Variants in COL24A1 observed in about 807,000 individuals in gnomAD.
COL24A1 encodes collagen type XXIV alpha 1 chain, also known as collagen alpha-1(XXIV) chain.
In COL24A1, 224 loss-of-function variants were observed where a neutral mutation model predicts 253.9. The ratio of observed to expected loss-of-function variants is 0.88; its 90% CI spans 0.79 to 0.99. The LOEUF (loss-of-function observed/expected upper bound fraction) is 0.99, where lower values mean the gene tolerates loss of function less well. Among genes scored for constraint, COL24A1 ranks in the 50% least tolerant of loss-of-function variants. The pLI is 0.00. For missense variants in COL24A1, 2,131 were observed against 2,068.5 expected, an observed-to-expected ratio of 1.03 and a Z score of -0.59; for synonymous variants, 685 against 673.7, an observed-to-expected ratio of 1.02 and a Z score of -0.26.
intron 1 of COL24A1, among the ~76,000 whole-genome samples, chr1:86,149,375 C>T (rs1274349364): frequency 6.6e-6 from 1 of 152,168 alleles, no homozygotes; most frequent in Admixed American, 6.5e-5. Flanking sequence ...CAGGATGTAT[C>T]CTAATATGAT....
chr1:85,734,649 C>A (rs1423455635), intron 59 of COL24A1, 100 bp downstream of exon 59: 15 of 1,025,580 alleles, frequency 1.5e-5, no homozygotes, highest in Non-Finnish European at 2.1e-5. Flanking sequence ...TCTGTATCTG[C>A]AGTTTGTAAT....
intron 35 of COL24A1, among the ~76,000 whole-genome samples, chr1:85,873,867 G>A (rs190913306): frequency 8.8e-4 from 133 of 151,306 alleles, no homozygotes; most frequent in Admixed American, 2.4e-3. Flanking sequence ...TTAATTAGTT[G>A]TCTTTTAGAT....
chr1:85,744,861 A>G (rs1665040116), intron 56 of COL24A1, 27 bp from the exon 57 acceptor site: 22 of 1,592,278 alleles, frequency 1.4e-5, no homozygotes, highest in Non-Finnish European at 1.8e-5. Flanking sequence ...AGAATTATAT[A>G]AGCAAAAAAA....
chr1:85,940,775 G>A (rs560203819), intron 24 of COL24A1, among the ~76,000 whole-genome samples: 164 of 152,274 alleles, frequency 1.1e-3, no homozygotes, highest in Non-Finnish European at 2.0e-3. Context: ...TCAGAACAAA[G>A]TTTTGCCCGA....
At chr1:85,857,088 C>G (rs1178289892) in intron 37 of COL24A1, among the ~76,000 whole-genome samples, 1 of 151,996 alleles carries the variant, frequency 6.6e-6, no homozygotes, top group African/African-American at 2.4e-5. Flanking sequence ...TGAGTTTTGT[C>G]AGAGAGAGAT....
chr1:85,938,936 G>A (rs1017273429), intron 24 of COL24A1, among the ~76,000 whole-genome samples: 2 of 152,248 alleles, frequency 1.3e-5, no homozygotes, highest in African/African-American at 4.8e-5. Flanking sequence ...GTCACAGATT[G>A]ACTTCTTCCT....
At chr1:85,842,730 G>C (rs562067453) in intron 39 of COL24A1, among the ~76,000 whole-genome samples, 6 of 152,128 alleles carry the variant, frequency 3.9e-5, no homozygotes, top group Admixed American at 3.9e-4. Context: ...GCCAGATGTG[G>C]GTCACTGAAT....
Position 85,847,741 on chromosome 1 carries a change from T to G in COL24A1, c.3386A>C (p.Glu1129Ala). The change falls in exon 39 of 60, where the codon GAA becomes GCA. Residue 1129 changes from glutamate to alanine, a missense_variant. Transcript: ENST00000370571. ...TCCAGGAGGACCTCTGCTTCCAACT[T>G]CTCCTGTGGGTCCTATTTGTCCTTT... ...GDKGQIGPTG[E>A]VGSRGPPGKI... is the part of the protein sequence containing the mutation. 1 of 1,613,824 alleles carries G rather than the reference T, an allele frequency of 6.2e-7. No individual in the cohort carries two copies. The highest frequency in any genetic ancestry group is 8.5e-7 in the Non-Finnish European group (1 of 1,179,832).
chr1:86,122,070 T>TC (rs1197786863), intron 3 of COL24A1, among the ~76,000 whole-genome samples: 3 of 152,024 alleles, frequency 2.0e-5, no homozygotes, highest in Non-Finnish European at 4.4e-5. Context: ...ATTCAGTCTC[T>TC]CATTATCTCT....
intron 24 of COL24A1, among the ~76,000 whole-genome samples, chr1:85,927,560 C>A (rs560048259): frequency 4.1e-5 from 5 of 123,360 alleles, no homozygotes; most frequent in Non-Finnish European, 8.5e-5. Context: ...CCAGGAAGCT[C>A]GAACTGGGTG....
rs116998722 is a variant in COL24A1 at position 86,111,100 on chromosome 1, G to C, written c.1599+1467C>G. Among the ~76,000 whole-genome samples, 1,354 of 151,862 alleles carry C rather than the reference G, an allele frequency of 8.9e-3. 26 individuals carry two copies. The highest frequency in any genetic ancestry group is 0.073 in the East Asian group (374 of 5,094). ...ACTCTGTGTCTAGCTCCGGGTTTGC[G>C]GATGCACCAATCAGCACTCTGTATC... On this transcript the variant is annotated intron_variant, in intron 5 of 59. Coordinates refer to ENST00000370571, the MANE Select transcript of COL24A1 (RefSeq NM_152890.7).
chr1:85,907,200 T>C lies in COL24A1; in HGVS notation c.2772A>G (p.Gly924=). The change falls in exon 28 of 60, where the codon GGA becomes GGG. Residue 924 remains glycine, a synonymous_variant. Transcript: ENST00000370571. ...TTTTCCTTAGATTACTTACTCTTTG[T>C]CCTTTAGGACCTTGACTCCCAGGTG... ...RGPPGSQGPK[G]QRGSRGPDGL... is the part of the protein sequence containing the mutation. The C allele has an allele frequency of 6.2e-7, 1 of 1,611,202 alleles. No homozygotes were observed. The highest frequency in any genetic ancestry group is 8.5e-7 in the Non-Finnish European group (1 of 1,177,908).
chr1:85,871,550 A>T (rs1640108035), intron 35 of COL24A1, among the ~76,000 whole-genome samples: 1 of 152,226 alleles, frequency 6.6e-6, no homozygotes, highest in Non-Finnish European at 1.5e-5. Context: ...ACATATGCGA[A>T]TCAATAAATG....
At chr1:85,858,627 CCTTCCTTCCTTCCTTCCTTCCTTCCT>C (rs1678750379) in intron 37 of COL24A1, among the ~76,000 whole-genome samples, 1 of 115,934 alleles carries the variant, frequency 8.6e-6, no homozygotes, top group Non-Finnish European at 1.7e-5. Flanking sequence ...CTCCCTCCTT[CCTTCCTTCCTTCCTTCCTTCCTTCCT>C]TCCTTCCTTC....
intron 28 of COL24A1, among the ~76,000 whole-genome samples, chr1:85,900,202 C>T (rs1684139599): frequency 6.6e-6 from 1 of 152,022 alleles, no homozygotes; most frequent in African/African-American, 2.4e-5. Context: ...TCAGTGCAAT[C>T]CCTATCAAAA....
At chr1:85,770,949 T>C (rs1010285913) in intron 53 of COL24A1, among the ~76,000 whole-genome samples, 3 of 152,204 alleles carry the variant, frequency 2.0e-5, no homozygotes, top group Non-Finnish European at 4.4e-5. Context: ...GTCCCTTTGT[T>C]CTGCCACTGG....
chr1:85,869,440 C>A (rs1269276557), intron 35 of COL24A1, among the ~76,000 whole-genome samples: 3 of 152,050 alleles, frequency 2.0e-5, no homozygotes, highest in Non-Finnish European at 4.4e-5. Context: ...TTAAGGGCAG[C>A]CAGAGAGAAA....
Position 86,085,939 on chromosome 1 carries a change from G to T in COL24A1, c.1707+3235C>A, listed in dbSNP as rs545271709. Among the ~76,000 whole-genome samples the T allele has an allele frequency of 2.6e-5, 4 of 152,214 alleles. No homozygotes were observed. The South Asian group carries it at 8.3e-4, about 32-fold the overall frequency. On this transcript the variant is annotated intron_variant, in intron 7 of 59. Coordinates refer to ENST00000370571, the MANE Select transcript of COL24A1 (RefSeq NM_152890.7). ...AGAGAATACTGCTGCTAATTTGCTT[G>T]CCTTCTCTATCTCAATTTCACTTTC...
At chr1:86,065,069 G>A (rs545554130) in intron 7 of COL24A1, among the ~76,000 whole-genome samples, 79 of 152,256 alleles carry the variant, frequency 5.2e-4, no homozygotes, top group South Asian at 3.7e-3. Context: ...CAGTGGTGGT[G>A]GCTCCCTGGG....
Sources: allele counts gnomAD v4.1 joint callset (sites outside exome capture counted in the v4.1 genomes callset), GRCh38; gene constraint gnomAD v4.1.1; transcripts MANE v1.5; gene names NCBI Gene and HGNC (gene_info 2026-07-23, HGNC 2026-07-21).